The following ZNF350 variants were observed in gnomAD, a reference collection of about 807,000 sequenced individuals.
ZNF350 encodes the protein KRAB zinc finger protein ZFQR.
A neutral mutation model predicts 13.1 loss-of-function variants in ZNF350; 5 were observed. That is an observed-to-expected ratio of 0.38 (90% CI 0.20 to 0.80). The LOEUF is 0.80. Ranked by LOEUF, ZNF350 falls within the 30% of genes least tolerant of loss-of-function variation. ZNF350 has a pLI of 0.43. For synonymous variants in ZNF350, 199 were observed against 224.2 expected, an observed-to-expected ratio of 0.89 and a Z score of 1.00; for missense variants, 534 against 644.2, an observed-to-expected ratio of 0.83 and a Z score of 1.85.
intron 1 of ZNF350, 37 bp from the exon 2 acceptor site, chr19:51,974,568 A>C: frequency 3.5e-6 from 2 of 576,650 alleles, no homozygotes; most frequent in East Asian, 2.7e-5. Flanking sequence ...TAAGTGGTAC[A>C]TTTTTTCCAG....
At chr19:51,966,790 G>A (rs1395746549) in intron 4 of ZNF350, among the ~76,000 whole-genome samples, 1 of 150,922 alleles carries the variant, frequency 6.6e-6, no homozygotes, top group Non-Finnish European at 1.5e-5. Context: ...TGGGATTACA[G>A]GCATGCACCA....
chr19:51,973,622 T>G (rs1341039430), intron 2 of ZNF350: 1 of 152,240 alleles, frequency 6.6e-6, no homozygotes, highest in African/African-American at 2.4e-5. Flanking sequence ...ATCCAAGTCC[T>G]GTTCAGACAA....
At chr19:51,980,547 G>A (rs2086009503) in intron 1 of ZNF350, among the ~76,000 whole-genome samples, 1 of 152,236 alleles carries the variant, frequency 6.6e-6, no homozygotes, top group Admixed American at 6.5e-5. Flanking sequence ...AAGTGGCAAT[G>A]TTGAAATCCA....
At position 51,966,047 on chromosome 19, in the gene ZNF350, A is replaced by G. The variant is rs1278830930; in HGVS notation, c.406T>C (p.Leu136=). 1 of 1,613,968 alleles carries G rather than the reference A, an allele frequency of 6.2e-7. No homozygotes were observed. The highest frequency in any genetic ancestry group is 8.5e-7 in the Non-Finnish European group (1 of 1,180,020). The stretch of plus-strand genomic sequence containing the variant: ...TTAACTAAAGTTAAATTGGATTTCA[A>G]ACTTTTTCCACGTAAGTCAAATATA... The part of the protein sequence containing the change: ...HDIFDLRGKS[L]KSNLTLVNQS... The change falls in exon 5 of 5, where the codon TTG becomes CTG. Residue 136 remains leucine, a synonymous_variant. Transcript: ENST00000243644.
intron 1 of ZNF350, among the ~76,000 whole-genome samples, chr19:51,983,265 C>T (rs1300749848): frequency 6.6e-6 from 1 of 152,198 alleles, no homozygotes; most frequent in Non-Finnish European, 1.5e-5. Context: ...GCCGCAGGGA[C>T]CTCTGCCCAA....
At chr19:51,982,014 T>C (rs779093790) in intron 1 of ZNF350, 1 of 152,194 alleles carries the variant, frequency 6.6e-6, no homozygotes, top group Non-Finnish European at 1.5e-5. Flanking sequence ...GACAGCAGTC[T>C]TTCTGATAGG....
Position 51,965,572 on chromosome 19 carries a change from T to G in ZNF350, c.881A>C (p.Glu294Ala), listed in dbSNP as rs769126578. Residue 294 changes from glutamate (E) to alanine (A), a missense_variant, in exon 5 of 5, where the codon GAA becomes GCA. Glu to Ala is a moderately radical substitution (Grantham distance 107). Transcript: ENST00000243644. ...HTGEKPYICS[E>A]CGKGFIQKGN... ...TTTCTGGATGAAGCCTTTTCCACAT[T>G]CACTGCATATATAGGGTTTCTCTCC... 1.3e-5 allele frequency: 21 copies of G among 1,614,234 alleles called. No individual in the cohort carries two copies. The highest frequency in any genetic ancestry group is 1.8e-5 in the Non-Finnish European group (21 of 1,180,032).
chr19:51,966,364 A>G (rs2085572347), intron 4 of ZNF350, 150 bp from the exon 5 acceptor site: 1 of 767,012 alleles, frequency 1.3e-6, no homozygotes, highest in Non-Finnish European at 1.9e-6. Flanking sequence ...GCTCACTGCA[A>G]CCTCTGCTTC....
intron 1 of ZNF350, among the ~76,000 whole-genome samples, chr19:51,975,415 G>A (rs2085858266): frequency 8.7e-6 from 1 of 114,398 alleles, no homozygotes; most frequent in Non-Finnish European, 1.7e-5. Context: ...GTCAAAAAGA[G>A]CGAAACCTCG....
At chr19:51,971,407 T>G (rs892461066) in intron 2 of ZNF350, among the ~76,000 whole-genome samples, 1 of 152,198 alleles carries the variant, frequency 6.6e-6, no homozygotes, top group Non-Finnish European at 1.5e-5. Context: ...GTTCACACCT[T>G]TATGTAGTTC....
Position 51,965,861 on chromosome 19 carries a change from T to TGGGA in ZNF350, c.591_592insTCCC (p.Lys198SerfsTer14), listed in dbSNP as rs2085553151. Reference sequence around the variant, plus strand: ...TGATGCTTCTCTAATTTTCGTGTTTTCTGATGCTTGGGACTGATGAATTGG... The same window carrying TGGGA: ...TGATGCTTCTCTAATTTTCGTGTTTTGGGACTGATGCTTGGGACTGATGAATTGG... On this transcript the variant is annotated frameshift_variant, in exon 5 of 5. Coordinates refer to ENST00000243644, the MANE Select transcript of ZNF350 (RefSeq NM_021632.4). LOFTEE classifies it low-confidence loss of function (END_TRUNC). The TGGGA allele has an allele frequency of 6.2e-7, 1 of 1,614,072 alleles. No individual in the cohort carries two copies.
chr19:51,968,903 T>C, intron 3 of ZNF350, 102 bp downstream of exon 3: 3 of 1,609,588 alleles, frequency 1.9e-6, no homozygotes, highest in South Asian at 2.2e-5. Context: ...TCTGAGAATC[T>C]ACCACTTCAG....
In ZNF350 at chr19:51,982,128, C is replaced by G. The variant is rs899124836; in HGVS notation, c.-172+4642G>C. 1.1e-4 allele frequency: 16 copies of G among 152,182 alleles called. No homozygotes were observed. The South Asian group carries it at 1.7e-3, about 16-fold the overall frequency. 9.4% of individuals were successfully genotyped at this position (152,182 alleles called of 1,614,324 possible). On this transcript the variant is annotated intron_variant, in intron 1 of 4. Coordinates refer to ENST00000243644, the MANE Select transcript of ZNF350 (RefSeq NM_021632.4). ...TCCCCCTCAAGCTAAATAATTATCT[C>G]TTAAAGCCACTTGCTATGTAGGCTC...
At chr19:51,984,844 G>A (rs115077812) in intron 1 of ZNF350, among the ~76,000 whole-genome samples, 1,902 of 140,054 alleles carry the variant, frequency 0.014, 33 homozygotes, top group African/African-American at 0.047. Context: ...CCTTGTCATT[G>A]AGCAAAGAAA....
chr19:51,972,165 C>T (rs181716056), intron 2 of ZNF350, among the ~76,000 whole-genome samples: 1 of 151,418 alleles, frequency 6.6e-6, no homozygotes, highest in African/African-American at 2.4e-5. Flanking sequence ...GTCAGTAATA[C>T]AAAATTACCA....
chr19:51,967,983 C>T (rs1374958827), intron 4 of ZNF350, among the ~76,000 whole-genome samples: 4 of 151,982 alleles, frequency 2.6e-5, no homozygotes, highest in Non-Finnish European at 4.4e-5. Context: ...CTCCAGGGAG[C>T]GGAAGGAGTT....
intron 2 of ZNF350, 118 bp downstream of exon 2, chr19:51,974,228 C>G: frequency 8.7e-7 from 1 of 1,151,212 alleles, no homozygotes; most frequent in Non-Finnish European, 1.2e-6. Context: ...GCTTACTTCT[C>G]TCCAGATCCT....
At chr19:51,986,455 C>G (rs1463135726) in intron 1 of ZNF350, 1 of 152,724 alleles carries the variant, frequency 6.5e-6, no homozygotes, top group East Asian at 1.9e-4. Context: ...CCGAAGCAGA[C>G]GCCGCATCGA....
chr19:51,979,665 C>T (rs897292454), intron 1 of ZNF350, among the ~76,000 whole-genome samples: 3 of 152,178 alleles, frequency 2.0e-5, no homozygotes, highest in African/African-American at 7.2e-5. Context: ...GGATTCCATT[C>T]AATAGTTCCT....
Sources: gnomAD v4.1 joint callset for allele counts (sites outside exome capture counted in the v4.1 genomes callset) on GRCh38, gnomAD v4.1.1 for gene constraint, MANE v1.5 for transcripts, NCBI Gene and HGNC (gene_info 2026-07-23, HGNC 2026-07-21) for gene names.